Variants in FSTL5 observed in about 807,000 individuals in gnomAD.
FSTL5 encodes follistatin-related protein 5.
FSTL5 carries 62 observed loss-of-function variants against 89.1 expected under a neutral mutation model. The observed-to-expected ratio is 0.70, with a 90% CI of 0.57 to 0.86. The LOEUF is 0.86. Ranked by LOEUF, FSTL5 falls within the 40% of genes least tolerant of loss-of-function variation. The pLI, the probability that FSTL5 is intolerant of heterozygous loss-of-function variation, is 0.00. For synonymous variants in FSTL5, 383 were observed against 346.2 expected (o/e 1.11, Z -1.18); for missense variants, 1,057 against 1,001.6 (o/e 1.06, Z -0.75).
intron 4 of FSTL5, among the ~76,000 whole-genome samples, chr4:161,878,424 G>T (rs1732518121): frequency 6.6e-6 from 1 of 152,032 alleles, no homozygotes. Context: ...AATAGTCTAT[G>T]TAATTTCATC....
intron 8 of FSTL5, among the ~76,000 whole-genome samples, chr4:161,553,928 AAT>A (rs763429782): frequency 9.9e-5 from 15 of 151,616 alleles, no homozygotes; most frequent in Admixed American, 2.6e-4. Flanking sequence ...AAACAAATCT[AAT>A]AAAATTTTAT....
intron 3 of FSTL5, among the ~76,000 whole-genome samples, chr4:161,957,631 C>A (rs767450917): frequency 6.6e-6 from 1 of 152,160 alleles, no homozygotes; most frequent in East Asian, 1.9e-4. Flanking sequence ...CCATCCTAGA[C>A]CAGCCAGACC....
intron 4 of FSTL5, among the ~76,000 whole-genome samples, chr4:161,884,835 G>A (rs776526177): frequency 1.1e-4 from 16 of 152,048 alleles, no homozygotes; most frequent in Non-Finnish European, 1.9e-4. Context: ...ACTGATGTTC[G>A]TCTTGCTTTG....
At chr4:161,943,282 T>G (rs1734641758) in intron 3 of FSTL5, among the ~76,000 whole-genome samples, 1 of 151,896 alleles carries the variant, frequency 6.6e-6, no homozygotes, top group African/African-American at 2.4e-5. Context: ...AATAGTAATA[T>G]ATTATTATAT....
At chr4:161,916,112 C>T (rs569577458) in intron 4 of FSTL5, among the ~76,000 whole-genome samples, 9 of 152,190 alleles carry the variant, frequency 5.9e-5, no homozygotes, top group Admixed American at 5.9e-4. Context: ...GAAACAATGT[C>T]AGATTTCATG....
chr4:161,392,601 A>G (rs1166411605), intron 15 of FSTL5, among the ~76,000 whole-genome samples: 4 of 152,332 alleles, frequency 2.6e-5, no homozygotes, highest in Non-Finnish European at 5.9e-5. Flanking sequence ...CAGGAGATTA[A>G]GAGCTTAGGA....
intron 6 of FSTL5, among the ~76,000 whole-genome samples, chr4:161,748,157 T>C (rs4691025): frequency 0.36 from 55,150 of 151,956 alleles, 12,849 homozygotes; most frequent in African/African-American, 0.67. Context: ...AACTAATTAC[T>C]TGTATAAAAG....
chr4:161,831,654 A>G (rs1730849700), intron 4 of FSTL5, among the ~76,000 whole-genome samples: 1 of 151,910 alleles, frequency 6.6e-6, no homozygotes, highest in South Asian at 2.1e-4. Flanking sequence ...TAGAATCTTT[A>G]TTCTAATATA....
intron 2 of FSTL5, among the ~76,000 whole-genome samples, chr4:162,038,040 G>A (rs920065804): frequency 1.8e-4 from 27 of 151,952 alleles, no homozygotes; most frequent in African/African-American, 5.5e-4. Flanking sequence ...TTGTTGTTCT[G>A]TCCACACGAT....
chr4:162,056,865 A>G (rs2111270827), intron 2 of FSTL5, among the ~76,000 whole-genome samples: 1 of 152,332 alleles, frequency 6.6e-6, no homozygotes, highest in Admixed American at 6.5e-5. Context: ...AATATTTTAT[A>G]GTAAATGGAA....
intron 3 of FSTL5, among the ~76,000 whole-genome samples, chr4:161,943,830 C>T (rs1465353727): frequency 1.3e-5 from 2 of 152,060 alleles, no homozygotes; most frequent in East Asian, 3.9e-4. Flanking sequence ...GCTAGGATAA[C>T]AGGCGTGAGC....
At chr4:161,407,259 C>T (rs17041022) in intron 15 of FSTL5, among the ~76,000 whole-genome samples, 2 of 152,140 alleles carry the variant, frequency 1.3e-5, no homozygotes, top group Non-Finnish European at 2.9e-5. Context: ...GATGGTCTAG[C>T]AGATACACTA....
At chr4:161,841,778 C>T (rs984681384) in intron 4 of FSTL5, among the ~76,000 whole-genome samples, 1 of 152,152 alleles carries the variant, frequency 6.6e-6, no homozygotes, top group African/African-American at 2.4e-5. Flanking sequence ...CATGGTGAAT[C>T]AGAGCATAAT....
chr4:161,976,977 C>T (rs1368512920), intron 3 of FSTL5, among the ~76,000 whole-genome samples: 2 of 152,064 alleles, frequency 1.3e-5, no homozygotes, highest in Non-Finnish European at 2.9e-5. Context: ...TCCATGGTGA[C>T]TATAATGGCT....
intron 3 of FSTL5, among the ~76,000 whole-genome samples, chr4:161,973,028 T>C (rs1735529964): frequency 1.3e-5 from 2 of 152,214 alleles, no homozygotes; most frequent in South Asian, 2.1e-4. Flanking sequence ...ATTTTTTTAC[T>C]ATGGCCTAGA....
intron 6 of FSTL5, among the ~76,000 whole-genome samples, chr4:161,672,084 G>T (rs1737134904): frequency 6.6e-6 from 1 of 152,142 alleles, no homozygotes; most frequent in African/African-American, 2.4e-5. Context: ...TGCTTACACA[G>T]AAATGCTTTT....
At chr4:162,158,967 G>A (rs570540142) in intron 1 of FSTL5, among the ~76,000 whole-genome samples, 3 of 152,094 alleles carry the variant, frequency 2.0e-5, no homozygotes, top group Non-Finnish European at 2.9e-5. Flanking sequence ...GAAATATGAA[G>A]AGCCAGATTC....
At chr4:161,532,797 T>C (rs1731463624) in intron 10 of FSTL5, among the ~76,000 whole-genome samples, 1 of 152,092 alleles carries the variant, frequency 6.6e-6, no homozygotes, top group Non-Finnish European at 1.5e-5. Context: ...CATTCTTCTC[T>C]TTTGCCCATG....
chr4:162,110,655 C>G (rs1731399763), intron 2 of FSTL5, among the ~76,000 whole-genome samples: 1 of 151,514 alleles, frequency 6.6e-6, no homozygotes, highest in Non-Finnish European at 1.5e-5. Flanking sequence ...GTATCATGGA[C>G]TGCTGTTAAA....
Sources: gnomAD v4.1 joint callset for allele counts (sites outside exome capture counted in the v4.1 genomes callset) on GRCh38, gnomAD v4.1.1 for gene constraint, MANE v1.5 for transcripts, NCBI Gene and HGNC (gene_info 2026-07-23, HGNC 2026-07-21) for gene names.